Variants in SLC10A4 observed in about 807,000 individuals in gnomAD.
The protein encoded by SLC10A4 is putative sodium/bile acid cotransporter 4.
In SLC10A4, 17 loss-of-function variants were observed where a neutral mutation model predicts 22.5. That is an observed-to-expected ratio of 0.76 (90% CI 0.52 to 1.14). The LOEUF is 1.14. Among genes scored for constraint, SLC10A4 ranks in the 50% most tolerant of loss-of-function variants. The pLI, the probability that SLC10A4 is intolerant of heterozygous loss-of-function variation, is 0.00. For synonymous variants in SLC10A4, 257 were observed against 258.2 expected, an observed-to-expected ratio of 1.00 and a Z score of 0.04; for missense variants, 548 against 584.0, an observed-to-expected ratio of 0.94 and a Z score of 0.64.
chr4:48,488,854 A>G lies in SLC10A4; in HGVS notation c.1229A>G (p.Lys410Arg). Residue 410 changes from lysine to arginine, a missense_variant, in exon 3 of 3, where the codon AAA (lysine) becomes AGA (arginine). By Grantham distance (26) the Lys-to-Arg change is conservative. This residue lies in a region of SLC10A4 where 314 missense variants were observed against 353.2 expected (regional missense o/e 0.89). Transcript: ENST00000273861. ...EDTDISYKKL[K>R]EEEMADTSYG... is the part of the protein sequence containing the mutation. The stretch of plus-strand genomic sequence containing the variant: ...ACAGATATTTCTTATAAAAAACTAA[A>G]AGAAGAGGAAATGGCAGACACTTCC... 1 of 1,613,800 alleles carries G rather than the reference A, an allele frequency of 6.2e-7. No individual in the cohort carries two copies. Among genetic ancestry groups the G allele is most frequent in the Non-Finnish European group, 8.5e-7 (1 of 1,179,956 alleles).
At chr4:48,488,155 C>A (rs527262725) in intron 2 of SLC10A4, among the ~76,000 whole-genome samples, 3 of 150,234 alleles carry the variant, frequency 2.0e-5, no homozygotes, top group Non-Finnish European at 4.4e-5. Flanking sequence ...TGGTCTCTGT[C>A]GCTCCTGAGA....
Position 48,483,808 on chromosome 4 carries a change from TCCCCGTTC to T in SLC10A4, c.250_257del (p.Pro84SerfsTer105), listed in dbSNP as rs1718226193. ...GGGCGGCGCGGCGAGCCACGGCCCT[TCCCCGTTC>T]CCTCGGCCCTGGGCGCCCCACGCGC... On this transcript the variant is annotated frameshift_variant, in exon 1 of 3. Coordinates refer to ENST00000273861, the MANE Select transcript of SLC10A4 (RefSeq NM_152679.4). LOFTEE classifies it high-confidence loss of function. This position sits in a 1 kb window ranked among gnomAD's most constrained non-coding sequence, Gnocchi z 5.4. 1 of 1,524,012 alleles carries T rather than the reference TCCCCGTTC, an allele frequency of 6.6e-7. No homozygotes were observed. Among genetic ancestry groups the T allele is most frequent in the Non-Finnish European group, 8.8e-7 (1 of 1,140,860 alleles). 94.4% of individuals were successfully genotyped at this position (1,524,012 alleles called of 1,614,324 possible). A position where few individuals can be genotyped will look rare whatever the true frequency, so the allele number is the denominator to read the frequency against.
At position 48,484,820 on chromosome 4, in the gene SLC10A4, C is replaced by T. The variant is rs1428147464; in HGVS notation, c.591-112C>T. The T allele has an allele frequency of 5.1e-6, 5 of 989,074 alleles. No individual in the cohort carries two copies. In the South Asian group the frequency reaches 6.0e-5, roughly 12 times the overall value. 61.3% of individuals were successfully genotyped at this position (989,074 alleles called of 1,614,324 possible). A position where few individuals can be genotyped will look rare whatever the true frequency, so the allele number is the denominator to read the frequency against. On this transcript the variant is annotated intron_variant, in intron 1 of 2. Coordinates refer to ENST00000273861, the MANE Select transcript of SLC10A4 (RefSeq NM_152679.4). ...GATGTAGGTTCTGCCCAGACTTCAA[C>T]CCCGGGACTTGCAGTCTCCCCGTTC...
rs1718223561 is a variant in SLC10A4, at chr4:48,483,716, C to G, written c.155C>G (p.Pro52Arg). The change falls in exon 1 of 3, where the codon CCG (proline) becomes CGG (arginine). Residue 52 changes from proline (P) to arginine (R), a missense_variant. Physicochemically the swap from Pro to Arg is moderately radical, Grantham distance 103 (BLOSUM62 -2). Around this residue, in one of 3 missense-constraint regions of SLC10A4, gnomAD observed 225 missense variants for 206.9 expected, o/e 1.09. Transcript: ENST00000273861. The surrounding 1 kb of genome is among the most constrained non-coding windows in gnomAD (Gnocchi z 5.4). ...AGPGPGLSLG[P>R]GPSFGFSPGP... Reference sequence around the variant, plus strand: ...CCCGGCCCTGGGCTCAGCCTCGGGCCGGGTCCGAGCTTCGGCTTCAGCCCC... The same window carrying G: ...CCCGGCCCTGGGCTCAGCCTCGGGCGGGGTCCGAGCTTCGGCTTCAGCCCC... The G allele has an allele frequency of 7.0e-7, 1 of 1,434,320 alleles. No individual in the cohort carries two copies. Among genetic ancestry groups the G allele is most frequent in the Non-Finnish European group, 9.1e-7 (1 of 1,103,316 alleles). The allele number at this position is 1,434,320 out of a possible 1,614,324, so 88.8% of individuals were successfully genotyped here. A position where few individuals can be genotyped will look rare whatever the true frequency, so the allele number is the denominator to read the frequency against.
In SLC10A4 at chr4:48,484,257, G is replaced by T. The variant is rs1316538140; in HGVS notation, c.590+106G>T. On this transcript the variant is annotated intron_variant, in intron 1 of 2. Transcript: ENST00000273861. ...GGCAGTGGAGGGGTTGGAATTAGGC[G>T]TGGAGGAAGGAGGAGAAAAGGAGAG... The T allele has an allele frequency of 6.0e-6, 7 of 1,161,950 alleles. No individual in the cohort carries two copies. The East Asian group carries it at 1.5e-4, about 25-fold the overall frequency. 72.0% of individuals were successfully genotyped at this position (1,161,950 alleles called of 1,614,324 possible). A position where few individuals can be genotyped will look rare whatever the true frequency, so the allele number is the denominator to read the frequency against.
At position 48,485,049 on chromosome 4, in the gene SLC10A4, C is replaced by G. The variant is rs1470977618; in HGVS notation, c.708C>G (p.Thr236=). The G allele has an allele frequency of 1.2e-6, 2 of 1,613,986 alleles. No individual in the cohort carries two copies. Among genetic ancestry groups the G allele is most frequent in the African/African-American group, 2.7e-5 (2 of 74,884 alleles). The change falls in exon 2 of 3, where the codon ACC becomes ACG. Residue 236 remains threonine, a synonymous_variant. Transcript: ENST00000273861. ...TCGTGCAGTTACTACCCCTAGGGACCGTGACCCTGACTCTCTGCAGCACTC... is the reference window on the plus strand; with the variant it reads ...TCGTGCAGTTACTACCCCTAGGGACGGTGACCCTGACTCTCTGCAGCACTC... ...TPIVQLLPLG[T]VTLTLCSTLI...
At position 48,485,077 on chromosome 4, in the gene SLC10A4, A is replaced by G; in HGVS notation, c.736A>G (p.Ile246Val). 1 of 1,613,974 alleles carries G rather than the reference A, an allele frequency of 6.2e-7. No homozygotes were observed. The highest frequency in any genetic ancestry group is 8.5e-7 in the Non-Finnish European group (1 of 1,179,994). The part of the protein sequence containing the change: ...TVTLTLCSTL[I>V]PIGLGVFIRY... Reference sequence around the variant, plus strand: ...GACCCTGACTCTCTGCAGCACTCTCATACCTATCGGGTTGGGCGTCTTCAT... The same window carrying G: ...GACCCTGACTCTCTGCAGCACTCTCGTACCTATCGGGTTGGGCGTCTTCAT... Residue 246 changes from isoleucine (I) to valine (V), a missense_variant, in exon 2 of 3, where the codon ATA becomes GTA. Physicochemically the swap from Ile to Val is conservative, Grantham distance 29. This residue lies in a region of SLC10A4 where 314 missense variants were observed against 353.2 expected (regional missense o/e 0.89). Coordinates refer to ENST00000273861, the MANE Select transcript of SLC10A4 (RefSeq NM_152679.4).
chr4:48,486,890 A>C (rs1718291039), intron 2 of SLC10A4, among the ~76,000 whole-genome samples: 1 of 152,184 alleles, frequency 6.6e-6, no homozygotes, highest in Admixed American at 6.5e-5. Flanking sequence ...ATTTGTGACC[A>C]GCTCAGATAA....
rs1240806555 is a variant in SLC10A4 at position 48,483,840 on chromosome 4, G to T, written c.279G>T (p.Ala93=). The T allele has an allele frequency of 1.3e-6, 2 of 1,536,404 alleles. No homozygotes were observed. Among genetic ancestry groups the T allele is most frequent in the East Asian group, 2.5e-5 (1 of 40,614 alleles). Residue 93 remains alanine, a synonymous_variant, in exon 1 of 3, where the codon GCG becomes GCT. Transcript: ENST00000273861. This position sits in a 1 kb window ranked among gnomAD's most constrained non-coding sequence, Gnocchi z 5.4. ...TCCCTCGGCCCTGGGCGCCCCACGC[G>T]CTCCCGTTCTGGGACACGCCGCTGA... ...SPFPRPWAPH[A]LPFWDTPLNH...
intron 1 of SLC10A4, among the ~76,000 whole-genome samples, chr4:48,484,638 A>G (rs190088300): frequency 6.6e-6 from 1 of 152,128 alleles, no homozygotes; most frequent in Non-Finnish European, 1.5e-5. Context: ...GGGGGCTTGC[A>G]AGGAAGAACG....
Position 48,488,506 on chromosome 4 carries a change from C to T in SLC10A4, c.881C>T (p.Ala294Val), listed in dbSNP as rs746303111. ...ACTATGTTAGGACCTGAACTGCTGG[C>T]AAGTATCCCTGCAGCTGTTTATGTG... ...TGTMLGPELL[A>V]SIPAAVYVIA... Residue 294 changes from alanine (A) to valine (V), a missense_variant, in exon 3 of 3, where the codon GCA becomes GTA. By Grantham distance (64) the Ala-to-Val change is moderately conservative. Transcript: ENST00000273861. 4.3e-6 allele frequency: 7 copies of T among 1,613,860 alleles called. No homozygotes were observed. Among genetic ancestry groups the T allele is most frequent in the Non-Finnish European group, 5.9e-6 (7 of 1,179,974 alleles).
At chr4:48,484,216 C>T (rs1718238619) in intron 1 of SLC10A4, 65 bp downstream of exon 1, 1 of 1,450,498 alleles carries the variant, frequency 6.9e-7, no homozygotes, top group Middle Eastern at 1.8e-4. Context: ...GCCGTGGGCT[C>T]ACGACGAAGG....
At position 48,484,006 on chromosome 4, in the gene SLC10A4, C is replaced by T. The variant is rs1718231552; in HGVS notation, c.445C>T (p.Leu149Phe). 4.4e-6 allele frequency: 7 copies of T among 1,583,148 alleles called. No homozygotes were observed. The highest frequency in any genetic ancestry group is 6.0e-6 in the Non-Finnish European group (7 of 1,168,492). ...GCTGGCAGCGCTCTGCCAGTTCGGC[C>T]TCCTGCCGCTGCTGGCCTTCCTGCT... ...ALLAALCQFG[L>F]LPLLAFLLAL... Residue 149 changes from leucine to phenylalanine, a missense_variant, in exon 1 of 3, where the codon CTC becomes TTC. Coordinates refer to ENST00000273861, the MANE Select transcript of SLC10A4 (RefSeq NM_152679.4).
At position 48,488,603 on chromosome 4, in the gene SLC10A4, C is replaced by T; in HGVS notation, c.978C>T (p.Pro326=). ...TAGCTACTCTCTTCCATCTTCCACC[C>T]AACTGCAAGAGGACTGTATGTCTGG... is the stretch of plus-strand genomic sequence containing the variant. ...YGLATLFHLP[P]NCKRTVCLET... The change falls in exon 3 of 3, where the codon CCC becomes CCT. Residue 326 remains proline, a synonymous_variant. Transcript: ENST00000273861. 1.2e-6 allele frequency: 2 copies of T among 1,614,044 alleles called. No homozygotes were observed. Among genetic ancestry groups the T allele is most frequent in the East Asian group, 2.2e-5 (1 of 44,870 alleles).
Position 48,485,158 on chromosome 4 carries a change from C to T in SLC10A4, c.801+16C>T. 6.2e-7 allele frequency: 1 copy of T among 1,611,508 alleles called. No homozygotes were observed. The highest frequency in any genetic ancestry group is 8.5e-7 in the Non-Finnish European group (1 of 1,177,670). On this transcript the variant is annotated intron_variant, in intron 2 of 2. Transcript: ENST00000273861. ...CATTGTGAAGGTAAGGCCCCCTCTT[C>T]CCTTTCCATACTAGCTTGGAGAGCC...
chr4:48,488,233 C>T (rs956257841), intron 2 of SLC10A4, among the ~76,000 whole-genome samples, 194 bp from the exon 3 acceptor site: 2 of 150,206 alleles, frequency 1.3e-5, no homozygotes, highest in Non-Finnish European at 1.5e-5. Flanking sequence ...GGACAGGCCT[C>T]CAAACAATCA....
chr4:48,485,085 C>G lies in SLC10A4; in HGVS notation c.744C>G (p.Ile248Met), dbSNP rs1718261192. ...TLTLCSTLIP[I>M]GLGVFIRYKY... ...CTCTCTGCAGCACTCTCATACCTAT[C>G]GGGTTGGGCGTCTTCATTCGCTACA... is the stretch of plus-strand genomic sequence containing the variant. Residue 248 changes from isoleucine to methionine, a missense_variant, in exon 2 of 3, where the codon ATC becomes ATG. Around this residue, in one of 3 missense-constraint regions of SLC10A4, gnomAD observed 314 missense variants for 353.2 expected, o/e 0.89. Coordinates refer to ENST00000273861, the MANE Select transcript of SLC10A4 (RefSeq NM_152679.4). 3 of 1,614,096 alleles carry G rather than the reference C, an allele frequency of 1.9e-6. No homozygotes were observed. In the African/African-American group the frequency reaches 4.0e-5, roughly 22 times the overall value.
In SLC10A4 at chr4:48,488,559, T is replaced by C. The variant is rs1297466297; in HGVS notation, c.934T>C (p.Tyr312His). 1 of 1,614,042 alleles carries C rather than the reference T, an allele frequency of 6.2e-7. No individual in the cohort carries two copies. Among genetic ancestry groups the C allele is most frequent in the East Asian group, 2.2e-5 (1 of 44,868 alleles). ...AGCAATTTTTATGCCTTTGGCAGGC[T>C]ACGCTTCAGGTTATGGTTTAGCTAC... ...VIAIFMPLAG[Y>H]ASGYGLATLF... Residue 312 changes from tyrosine to histidine, a missense_variant, in exon 3 of 3, where the codon TAC becomes CAC. Coordinates refer to ENST00000273861, the MANE Select transcript of SLC10A4 (RefSeq NM_152679.4).
intron 2 of SLC10A4, 103 bp from the exon 3 acceptor site, chr4:48,488,324 T>G: frequency 2.9e-6 from 3 of 1,019,986 alleles, no homozygotes; most frequent in Non-Finnish European, 4.1e-6. Flanking sequence ...AGGTCTCCAT[T>G]TTGTGTTGGA....
Sources: gnomAD v4.1 joint callset for allele counts (sites outside exome capture counted in the v4.1 genomes callset) on GRCh38, gnomAD v4.1.1 for gene constraint, gnomAD v4.1.1 regional missense constraint, Gnocchi (gnomAD v3.1) non-coding constraint, MANE v1.5 for transcripts, NCBI Gene and HGNC (gene_info 2026-07-23, HGNC 2026-07-21) for gene names.